PRUNE2: variants seen among roughly 807,000 people sequenced by gnomAD.
PRUNE2 encodes prune homolog 2 with BCH domain, also known as protein prune homolog 2.
Under a neutral mutation model 252.0 loss-of-function variants are expected in PRUNE2, and 164 were observed. The observed-to-expected ratio is 0.65, with a 90% CI of 0.57 to 0.74. The LOEUF is 0.74. PRUNE2 is among the 30% of genes least tolerant of loss of function. PRUNE2 has a pLI of 0.00. For synonymous variants in PRUNE2, 1,292 were observed against 1,350.2 expected (o/e 0.96, Z 0.94); for missense variants, 3,495 against 3,711.0 (o/e 0.94, Z 1.51).
chr9:76,847,467 TA>T (rs537075533), intron 3 of PRUNE2, among the ~76,000 whole-genome samples: 2,828 of 149,456 alleles, frequency 0.019, 98 homozygotes, highest in African/African-American at 0.064. Flanking sequence ...AAAAAGTATT[TA>T]AAAAAAAAAC....
chr9:76,620,647 TCTCA>T (rs1831899682), intron 17 of PRUNE2, among the ~76,000 whole-genome samples: 1 of 152,150 alleles, frequency 6.6e-6, no homozygotes, highest in African/African-American at 2.4e-5. Context: ...AACCTTCCTT[TCTCA>T]CTCCCCACCC....
chr9:76,644,592 A>T, intron 12 of PRUNE2, 147 bp downstream of exon 12: 1 of 766,008 alleles, frequency 1.3e-6, no homozygotes, highest in South Asian at 1.5e-5. Flanking sequence ...ATGAGGAAAT[A>T]TACTTAGCTC....
intron 4 of PRUNE2, among the ~76,000 whole-genome samples, chr9:76,843,328 T>TG (rs2059495264): frequency 6.6e-6 from 1 of 151,594 alleles, no homozygotes; most frequent in African/African-American, 2.4e-5. Flanking sequence ...CTGTTGGGGA[T>TG]GGGGGCTAGG....
chr9:76,652,267 G>A (rs922370255), intron 11 of PRUNE2: 52 of 513,428 alleles, frequency 1.0e-4, no homozygotes, highest in African/African-American at 8.6e-4. Context: ...CACAGAGTGG[G>A]GGTTAATAAA....
intron 6 of PRUNE2, among the ~76,000 whole-genome samples, chr9:76,745,782 C>G (rs2050050832): frequency 6.6e-6 from 1 of 152,212 alleles, no homozygotes; most frequent in Non-Finnish European, 1.5e-5. Context: ...GGGCAGTGGG[C>G]AAAGAAGAAC....
chr9:76,749,144 A>G (rs552873699), intron 6 of PRUNE2, among the ~76,000 whole-genome samples: 24 of 152,372 alleles, frequency 1.6e-4, no homozygotes, highest in African/African-American at 5.5e-4. Context: ...TGTAGAAACT[A>G]AAGATTACAC....
intron 1 of PRUNE2, among the ~76,000 whole-genome samples, chr9:76,878,095 G>A (rs962786339): frequency 7.2e-5 from 11 of 152,180 alleles, no homozygotes; most frequent in African/African-American, 2.7e-4. Context: ...CAGAAGACAG[G>A]TCAGCACTAT....
rs571600908 is a variant in PRUNE2, at chr9:76,810,602, T to C, written c.756+13030A>G. Among the ~76,000 whole-genome samples, 6 of 152,384 alleles carry C rather than the reference T, an allele frequency of 3.9e-5. No individual in the cohort carries two copies. In the East Asian group the frequency reaches 1.2e-3, roughly 29 times the overall value. Reference sequence around the variant, plus strand: ...TCCAACAGGCTCAGCACAGCCATCCTTAGCAATCATGTCAATTAAGCAACA... The same window carrying C: ...TCCAACAGGCTCAGCACAGCCATCCCTAGCAATCATGTCAATTAAGCAACA... On this transcript the variant is annotated intron_variant, in intron 6 of 18. Transcript: ENST00000376718.
intron 6 of PRUNE2, chr9:76,736,954 C>T (rs1366062850): frequency 6.6e-6 from 1 of 152,098 alleles, no homozygotes; most frequent in African/African-American, 2.4e-5. Flanking sequence ...TCCACACTGA[C>T]CCGGGAAAGG....
intron 6 of PRUNE2, chr9:76,787,633 ATT>A (rs5898508): frequency 6.6e-6 from 1 of 151,998 alleles, no homozygotes; most frequent in African/African-American, 2.4e-5. Flanking sequence ...TTATAAATTT[ATT>A]TTTTTAAGGT....
intron 9 of PRUNE2, among the ~76,000 whole-genome samples, chr9:76,699,202 G>A (rs989498795): frequency 1.3e-5 from 2 of 151,552 alleles, no homozygotes; most frequent in Admixed American, 6.6e-5. Flanking sequence ...TCTATATATC[G>A]ATTATCACAT....
In PRUNE2 at chr9:76,703,438, C is replaced by T. The variant is rs1449784768; in HGVS notation, c.8175G>A (p.Met2725Ile). Residue 2725 changes from methionine (M) to isoleucine (I), a missense_variant, in exon 9 of 19, where the codon ATG becomes ATA. Transcript: ENST00000376718. The stretch of plus-strand genomic sequence containing the variant: ...TTTTCTGAACAGGCTGTGGTGAAAG[C>T]ATTTCCCATTCATTGTCATGGGTGA... ...QAVTHDNEWE[M>I]LSPQPVQKNM... is the part of the protein sequence containing the mutation. The T allele has an allele frequency of 6.2e-7, 1 of 1,613,648 alleles. No individual in the cohort carries two copies. Among genetic ancestry groups the T allele is most frequent in the African/African-American group, 1.3e-5 (1 of 74,868 alleles).
At chr9:76,616,945 C>T (rs1830003894) in intron 18 of PRUNE2, among the ~76,000 whole-genome samples, 2 of 149,706 alleles carry the variant, frequency 1.3e-5, no homozygotes, top group African/African-American at 5.0e-5. Flanking sequence ...GACAAGCACC[C>T]AGGGCTATTT....
At chr9:76,692,058 A>C (rs779628527) in intron 9 of PRUNE2, 2 of 717,336 alleles carry the variant, frequency 2.8e-6, no homozygotes, top group Non-Finnish European at 5.2e-6. Context: ...TAAAAGCTAC[A>C]CCAGGACCCA....
intron 6 of PRUNE2, among the ~76,000 whole-genome samples, chr9:76,742,266 T>C (rs2049694926): frequency 6.6e-6 from 1 of 152,172 alleles, no homozygotes; most frequent in Admixed American, 6.5e-5. Context: ...TCTGCAGTAC[T>C]TATGATAAAC....
intron 6 of PRUNE2, among the ~76,000 whole-genome samples, chr9:76,807,452 G>A (rs543619795): frequency 9.2e-5 from 14 of 152,216 alleles, no homozygotes; most frequent in African/African-American, 3.4e-4. Context: ...TTCCCTGGTG[G>A]TCAGCAGCTA....
intron 1 of PRUNE2, among the ~76,000 whole-genome samples, chr9:76,873,448 C>A (rs972410924): frequency 6.6e-6 from 1 of 152,136 alleles, no homozygotes; most frequent in Admixed American, 6.5e-5. Flanking sequence ...CTCTAATATC[C>A]AAAAATACAG....
At chr9:76,811,416 T>G (rs995989049) in intron 6 of PRUNE2, among the ~76,000 whole-genome samples, 3 of 152,182 alleles carry the variant, frequency 2.0e-5, no homozygotes, top group Non-Finnish European at 2.9e-5. Context: ...CTTTGCCCAA[T>G]TATGGGATGA....
At chr9:76,777,899 A>T (rs1199721888) in intron 6 of PRUNE2, among the ~76,000 whole-genome samples, 1 of 152,180 alleles carries the variant, frequency 6.6e-6, no homozygotes, top group East Asian at 1.9e-4. Context: ...CAGAGAGGGG[A>T]CAGCAGGTAC....
Sources: allele counts gnomAD v4.1 joint callset (sites outside exome capture counted in the v4.1 genomes callset), GRCh38; gene constraint gnomAD v4.1.1; transcripts MANE v1.5; gene names NCBI Gene and HGNC (gene_info 2026-07-23, HGNC 2026-07-21).